Variants in DCC observed in about 807,000 individuals in gnomAD.
DCC encodes the protein DCC netrin 1 receptor.
Under a neutral mutation model 172.5 loss-of-function variants are expected in DCC, and 58 were observed. The observed-to-expected ratio is 0.34, with a 90% CI of 0.27 to 0.42. The LOEUF is 0.42. DCC is among the 10% of genes least tolerant of loss of function. DCC has a pLI of 1.00. For missense variants in DCC, 1,740 were observed against 1,791.0 expected (o/e 0.97, Z 0.51); for synonymous variants, 709 against 644.5 (o/e 1.10, Z -1.52).
intron 12 of DCC, among the ~76,000 whole-genome samples, chr18:53,222,624 G>A (rs896413227): frequency 6.6e-6 from 1 of 151,616 alleles, no homozygotes; most frequent in African/African-American, 2.4e-5. Flanking sequence ...CTGACCTCGT[G>A]ATCTGCCCGC....
At chr18:53,217,429 A>C (rs574613506) in intron 12 of DCC, among the ~76,000 whole-genome samples, 2 of 152,212 alleles carry the variant, frequency 1.3e-5, no homozygotes, top group East Asian at 3.9e-4. Context: ...GATATCTGGA[A>C]CATTGCACTG....
chr18:52,583,084 TA>T (rs1046063033), intron 1 of DCC, among the ~76,000 whole-genome samples: 2 of 152,094 alleles, frequency 1.3e-5, no homozygotes, highest in East Asian at 3.8e-4. Context: ...ACAATATCAT[TA>T]AAAAAATGGT....
chr18:53,292,060 G>A (rs1233712615), intron 12 of DCC, among the ~76,000 whole-genome samples: 1 of 151,390 alleles, frequency 6.6e-6, no homozygotes, highest in Non-Finnish European at 1.5e-5. Flanking sequence ...AAGATGCTAG[G>A]TACACACCAA....
chr18:53,153,574 C>T (rs2054679050), intron 7 of DCC, among the ~76,000 whole-genome samples: 1 of 152,092 alleles, frequency 6.6e-6, no homozygotes, highest in Admixed American at 6.5e-5. Flanking sequence ...GTATTTCTTG[C>T]ATTATTTGTC....
intron 1 of DCC, among the ~76,000 whole-genome samples, chr18:52,658,369 C>T (rs566861706): frequency 3.9e-5 from 6 of 152,202 alleles, no homozygotes; most frequent in African/African-American, 1.4e-4. Context: ...AATAAATGAT[C>T]AAATAGCCAA....
Position 53,164,770 on chromosome 18 carries a change from A to G in DCC, c.1418+7258A>G, listed in dbSNP as rs181554870. On this transcript the variant is annotated intron_variant, in intron 8 of 28. Coordinates refer to ENST00000442544, the MANE Select transcript of DCC (RefSeq NM_005215.4). ...ATCATGTGGGTTGAAAATTAAAATA[A>G]CTGAAATACAAGGGTGTTTCTTAAC... 2.0e-3 allele frequency among the ~76,000 whole-genome samples: 301 copies of G among 152,314 alleles called. 1 individual carries two copies. Among genetic ancestry groups the G allele is most frequent in the African/African-American group, 6.8e-3 (282 of 41,568 alleles).
chr18:52,718,217 A>G lies in DCC; in HGVS notation c.92-33837A>G, dbSNP rs534295770. On this transcript the variant is annotated intron_variant, in intron 1 of 28. Coordinates refer to ENST00000442544, the MANE Select transcript of DCC (RefSeq NM_005215.4). ...TTCAGGAAGACATTTATCAGAAAGT[A>G]AGAAGGTGCTAAAAAAATTAGTTGA... is the stretch of plus-strand genomic sequence containing the variant. Among the ~76,000 whole-genome samples the G allele has an allele frequency of 1.2e-4, 6 of 49,342 alleles. No homozygotes were observed. The East Asian group carries it at 5.6e-3, about 46-fold the overall frequency. The allele number at this position is 49,342 out of a possible 152,430, so 32.4% of individuals were successfully genotyped here. A position where few individuals can be genotyped will look rare whatever the true frequency, so the allele number is the denominator to read the frequency against.
chr18:52,512,087 C>T (rs2031461496), intron 1 of DCC, among the ~76,000 whole-genome samples: 1 of 152,112 alleles, frequency 6.6e-6, no homozygotes, highest in African/African-American at 2.4e-5. Flanking sequence ...CTTACTTTAC[C>T]TGAAAGAAGC....
At chr18:52,746,509 T>C (rs1236006179) in intron 1 of DCC, among the ~76,000 whole-genome samples, 1 of 152,162 alleles carries the variant, frequency 6.6e-6, no homozygotes, top group African/African-American at 2.4e-5. Flanking sequence ...TTTTTTACAC[T>C]TAACAATGTT....
rs538202339 is a variant in DCC, at chr18:52,941,346, G to C, written c.985+15976G>C. Among the ~76,000 whole-genome samples, 4 of 152,114 alleles carry C rather than the reference G, an allele frequency of 2.6e-5. No individual in the cohort carries two copies. In the South Asian group the frequency reaches 8.3e-4, roughly 32 times the overall value. ...TAAAAGGGAAGCTGTAGATTATTAT[G>C]GATATTTTAGTGTTTAATAAAGGTA... On this transcript the variant is annotated intron_variant, in intron 5 of 28. Transcript: ENST00000442544.
chr18:53,502,631 C>G (rs995691836), intron 27 of DCC, among the ~76,000 whole-genome samples: 3 of 151,950 alleles, frequency 2.0e-5, no homozygotes, highest in African/African-American at 7.3e-5. Context: ...AAAAAAATAC[C>G]TCAAATAATT....
intron 5 of DCC, among the ~76,000 whole-genome samples, chr18:53,010,639 C>T (rs1317681019): frequency 3.3e-5 from 5 of 150,140 alleles, no homozygotes; most frequent in African/African-American, 9.7e-5. Context: ...ATATTTAATA[C>T]AAGATATTAA....
At chr18:52,740,452 T>C (rs1469149382) in intron 1 of DCC, among the ~76,000 whole-genome samples, 1 of 152,210 alleles carries the variant, frequency 6.6e-6, no homozygotes, top group African/African-American at 2.4e-5. Flanking sequence ...AAAATCGCTA[T>C]TTGGCCTCTA....
At chr18:52,488,119 A>G (rs2030323207) in intron 1 of DCC, among the ~76,000 whole-genome samples, 1 of 152,170 alleles carries the variant, frequency 6.6e-6, no homozygotes, top group East Asian at 1.9e-4. Flanking sequence ...AAAAGGAAAG[A>G]AACAAAATGA....
intron 9 of DCC, among the ~76,000 whole-genome samples, chr18:53,199,554 T>C (rs984163227): frequency 1.3e-5 from 2 of 152,030 alleles, no homozygotes; most frequent in African/African-American, 4.8e-5. Flanking sequence ...TGCATACCTA[T>C]ACATATCTTC....
intron 1 of DCC, among the ~76,000 whole-genome samples, chr18:52,547,234 A>T (rs2032641213): frequency 6.6e-6 from 1 of 152,206 alleles, no homozygotes. Context: ...TGCTCTATGC[A>T]CTTAACCATG....
At chr18:52,807,782 A>G (rs1179799355) in intron 2 of DCC, among the ~76,000 whole-genome samples, 1 of 152,184 alleles carries the variant, frequency 6.6e-6, no homozygotes, top group East Asian at 1.9e-4. Flanking sequence ...TCTTTGCGAA[A>G]TGCTGCTTTA....
At chr18:52,551,764 A>G (rs140005032) in intron 1 of DCC, among the ~76,000 whole-genome samples, 4 of 151,608 alleles carry the variant, frequency 2.6e-5, no homozygotes, top group Non-Finnish European at 4.4e-5. Flanking sequence ...ACACACACAC[A>G]CACACTTTGC....
intron 7 of DCC, among the ~76,000 whole-genome samples, chr18:53,118,261 C>G (rs900235478): frequency 6.6e-6 from 1 of 151,774 alleles, no homozygotes; most frequent in East Asian, 1.9e-4. Context: ...TTCCAAACCA[C>G]TGTGTATAAT....
Sources: allele counts gnomAD v4.1 joint callset (sites outside exome capture counted in the v4.1 genomes callset), GRCh38; gene constraint gnomAD v4.1.1; transcripts MANE v1.5; gene names NCBI Gene and HGNC (gene_info 2026-07-23, HGNC 2026-07-21).